The following SLC6A5 variants were observed in gnomAD, a reference collection of about 807,000 sequenced individuals.
SLC6A5 encodes the protein sodium- and chloride-dependent glycine transporter 2.
A neutral mutation model predicts 90.5 loss-of-function variants in SLC6A5; 58 were observed. The ratio of observed to expected loss-of-function variants is 0.64; its 90% CI spans 0.52 to 0.80. The LOEUF is 0.80. Among genes scored for constraint, SLC6A5 ranks in the 30% least tolerant of loss-of-function variants. The probability of loss-of-function intolerance (pLI) is 0.00; values close to 1 mark genes in which losing one functional copy is unlikely to be tolerated. For missense variants in SLC6A5, 1,015 were observed against 1,017.6 expected (o/e 1.00, Z 0.03); for synonymous variants, 427 against 401.4 (o/e 1.06, Z -0.76).
At chr11:20,636,224 C>A in intron 10 of SLC6A5, 83 bp from the exon 11 acceptor site, 1 of 814,168 alleles carries the variant, frequency 1.2e-6, no homozygotes, top group Non-Finnish European at 2.2e-6. Context: ...ATGAGGATCT[C>A]AGCAGAGAGA....
At chr11:20,617,371 G>C (rs1362143280) in intron 6 of SLC6A5, among the ~76,000 whole-genome samples, 1 of 152,166 alleles carries the variant, frequency 6.6e-6, no homozygotes, top group Non-Finnish European at 1.5e-5. Context: ...TCTCATAAAA[G>C]AGTAGAGCAA....
At chr11:20,625,863 G>A (rs1418644428) in intron 7 of SLC6A5, among the ~76,000 whole-genome samples, 1 of 152,166 alleles carries the variant, frequency 6.6e-6, no homozygotes, top group African/African-American at 2.4e-5. Context: ...TGGGCACAAT[G>A]CCCTTCCCTG....
intron 13 of SLC6A5, among the ~76,000 whole-genome samples, chr11:20,639,924 C>T (rs1174434768): frequency 1.3e-5 from 2 of 152,196 alleles, no homozygotes; most frequent in African/African-American, 4.8e-5. Context: ...GCTGCCAGCA[C>T]TTTTGGCTGA....
chr11:20,607,131 T>C lies in SLC6A5; in HGVS notation c.804T>C (p.Ala268=). ...GPVSVWKAIP[A]LQGCGIAMLI... ...TGTCTGTGTGGAAGGCCATCCCAGC[T>C]CTACAAGGTGAGTCCAGCCTGCCGC... is the stretch of plus-strand genomic sequence containing the variant. Residue 268 remains alanine (A), a synonymous_variant, in exon 4 of 16, where the codon GCT becomes GCC. Transcript: ENST00000525748. 1 of 1,613,632 alleles carries C rather than the reference T, an allele frequency of 6.2e-7. No homozygotes were observed. The highest frequency in any genetic ancestry group is 8.5e-7 in the Non-Finnish European group (1 of 1,179,836).
Position 20,655,022 on chromosome 11 carries a change from T to C in SLC6A5, c.*154T>C. The C allele has an allele frequency of 1.2e-6, 1 of 842,294 alleles. No homozygotes were observed. Among genetic ancestry groups the C allele is most frequent in the South Asian group, 1.4e-5 (1 of 73,304 alleles). The allele number at this position is 842,294 out of a possible 1,614,324, so 52.2% of individuals were successfully genotyped here. On this transcript the variant is annotated 3_prime_UTR_variant, in exon 16 of 16. Transcript: ENST00000525748. ...GAGTGATTATGTAGAAAAGTAGGCA[T>C]AGTGTCGCATGCTGCAGTAAAGAGC...
At chr11:20,600,377 AGAAGAAGAAGAAGAAGAAGAAG>A (rs1434057535) in intron 1 of SLC6A5, among the ~76,000 whole-genome samples, 5 of 150,108 alleles carry the variant, frequency 3.3e-5, no homozygotes, top group African/African-American at 1.0e-4. Flanking sequence ...AAGAAGAAGA[AGAAGAAGAAGAAGAAGAAGAAG>A]AAGAAGAAGA....
At chr11:20,627,436 G>A (rs2133799319) in intron 8 of SLC6A5, among the ~76,000 whole-genome samples, 1 of 152,304 alleles carries the variant, frequency 6.6e-6, no homozygotes, top group African/African-American at 2.4e-5. Context: ...GATGTGTTAA[G>A]ATTGCATAGC....
intron 7 of SLC6A5, among the ~76,000 whole-genome samples, chr11:20,622,429 C>T (rs1041329810): frequency 1.3e-5 from 2 of 152,190 alleles, no homozygotes; most frequent in African/African-American, 4.8e-5. Flanking sequence ...CCCTAGATGC[C>T]TCCTGTCTCA....
rs1055129773 is a variant in SLC6A5 at position 20,656,090 on chromosome 11, C to T, written c.*1222C>T. ...TTCAATTTTAAGAGTTCCCTATTCA[C>T]AGTACTCATTTTAACGGCACTCTAA... On this transcript the variant is annotated 3_prime_UTR_variant, in exon 16 of 16. Transcript: ENST00000525748. 4 of 152,200 alleles carry T rather than the reference C, an allele frequency of 2.6e-5. No homozygotes were observed. Among genetic ancestry groups the T allele is most frequent in the Non-Finnish European group, 5.9e-5 (4 of 68,030 alleles). The allele number at this position is 152,200 out of a possible 1,614,324, so 9.4% of individuals were successfully genotyped here. A position where few individuals can be genotyped will look rare whatever the true frequency, so the allele number is the denominator to read the frequency against.
At chr11:20,629,294 C>A (rs1002127606) in intron 9 of SLC6A5, 1 of 152,172 alleles carries the variant, frequency 6.6e-6, no homozygotes, top group African/African-American at 2.4e-5. Context: ...GCTACCCTCA[C>A]ATTTTAGGGT....
intron 5 of SLC6A5, among the ~76,000 whole-genome samples, chr11:20,611,236 C>A (rs1852687303): frequency 6.6e-6 from 1 of 152,176 alleles, no homozygotes; most frequent in South Asian, 2.1e-4. Context: ...GGATGGATCA[C>A]TTGAGGCCAG....
intron 7 of SLC6A5, among the ~76,000 whole-genome samples, chr11:20,619,179 C>A (rs1015126386): frequency 2.0e-5 from 3 of 152,144 alleles, no homozygotes; most frequent in Non-Finnish European, 4.4e-5. Flanking sequence ...AGGATTTCTG[C>A]GATTATGTTA....
chr11:20,601,106 C>G (rs369361093), intron 1 of SLC6A5, 23 bp from the exon 2 acceptor site: 2 of 1,576,474 alleles, frequency 1.3e-6, no homozygotes, highest in Non-Finnish European at 8.6e-7. Context: ...TTGTTTTGCA[C>G]GAACTTGACA....
chr11:20,607,282 G>A, intron 4 of SLC6A5, 144 bp downstream of exon 4: 1 of 1,322,550 alleles, frequency 7.6e-7, no homozygotes, highest in Admixed American at 1.9e-5. Flanking sequence ...TCTGAATAAT[G>A]GCCCAAGATC....
rs1436330741 is a variant in SLC6A5 at position 20,619,924 on chromosome 11, G to C, written c.1260+2040G>C. Among the ~76,000 whole-genome samples, 4 of 152,150 alleles carry C rather than the reference G, an allele frequency of 2.6e-5. No individual in the cohort carries two copies. In the South Asian group the frequency reaches 8.3e-4, roughly 32 times the overall value. ...ATTGATTGTTTTTCTAAGGTTACAG[G>C]GAGATGGGAAATGTTAACTTGACCC... is the stretch of plus-strand genomic sequence containing the variant. On this transcript the variant is annotated intron_variant, in intron 7 of 15. Coordinates refer to ENST00000525748, the MANE Select transcript of SLC6A5 (RefSeq NM_004211.5).
intron 7 of SLC6A5, 58 bp downstream of exon 7, chr11:20,617,942 G>C: frequency 6.4e-7 from 1 of 1,562,604 alleles, no homozygotes. Context: ...CGGTTGCTTT[G>C]GGGAGCAGGC....
intron 14 of SLC6A5, among the ~76,000 whole-genome samples, chr11:20,650,749 C>G (rs1853512692): frequency 6.7e-6 from 1 of 149,942 alleles, no homozygotes; most frequent in Non-Finnish European, 1.5e-5. Context: ...TCACTGCAAG[C>G]TCCGCCTCCC....
intron 14 of SLC6A5, among the ~76,000 whole-genome samples, chr11:20,651,779 C>T (rs754115708): frequency 6.6e-5 from 10 of 151,896 alleles, no homozygotes; most frequent in Admixed American, 2.6e-4. Context: ...GTGTGGCATA[C>T]ATCTGTAATC....
intron 10 of SLC6A5, among the ~76,000 whole-genome samples, chr11:20,635,409 G>C (rs990520600): frequency 6.7e-6 from 1 of 148,636 alleles, no homozygotes; most frequent in Non-Finnish European, 1.5e-5. Context: ...CCGCCCCCCC[G>C]CAACCCGACT....
Sources: allele counts gnomAD v4.1 joint callset (sites outside exome capture counted in the v4.1 genomes callset), GRCh38; gene constraint gnomAD v4.1.1; transcripts MANE v1.5; gene names NCBI Gene and HGNC (gene_info 2026-07-23, HGNC 2026-07-21).